The following ARMC12 variants were observed in gnomAD, a reference collection of about 807,000 sequenced individuals.
The protein encoded by ARMC12 is armadillo repeat-containing protein 12.
In ARMC12, 25 loss-of-function variants were observed where a neutral mutation model predicts 37.4. The ratio of observed to expected loss-of-function variants is 0.67; its 90% CI spans 0.49 to 0.93. ARMC12 has a LOEUF of 0.93. Ranked by LOEUF, ARMC12 falls within the 40% of genes least tolerant of loss-of-function variation. The pLI is 0.00. For synonymous variants in ARMC12, 167 were observed against 176.1 expected, an observed-to-expected ratio of 0.95 and a Z score of 0.41; for missense variants, 384 against 426.6, an observed-to-expected ratio of 0.90 and a Z score of 0.88.
Position 35,748,958 on chromosome 6 carries a change from G to C in ARMC12, c.*88G>C. 2 of 1,339,280 alleles carry C rather than the reference G, an allele frequency of 1.5e-6. No homozygotes were observed. The highest frequency in any genetic ancestry group is 2.0e-6 in the Non-Finnish European group (2 of 990,704). 83.0% of individuals were successfully genotyped at this position (1,339,280 alleles called of 1,614,324 possible). Reference sequence around the variant, plus strand: ...TCTGTTGGTGGCCTTCCAGGGCTGGGTGGAGATTTCATTCAGCATAACCTC... The same window carrying C: ...TCTGTTGGTGGCCTTCCAGGGCTGGCTGGAGATTTCATTCAGCATAACCTC... On this transcript the variant is annotated 3_prime_UTR_variant, in exon 6 of 6. Transcript: ENST00000373866.
chr6:35,748,834 C>A lies in ARMC12; in HGVS notation c.987C>A (p.Cys329Ter), dbSNP rs1360480123. The stretch of plus-strand genomic sequence containing the variant: ...ACTTGAGAGCCCGGCCCTCCTCCTG[C>A]CAGCCCAGTCGTTCCTACTTTAAAA... The part of the protein sequence containing the change: ...PQDLRARPSS[C>*]QPSRSYFKNT... Residue 329 changes from cysteine (C) to a stop codon, truncating the protein, a stop_gained, in exon 6 of 6, where the codon TGC becomes TGA. Transcript: ENST00000373866. LOFTEE classifies it high-confidence loss of function. The A allele has an allele frequency of 6.2e-7, 1 of 1,613,580 alleles. No individual in the cohort carries two copies. The highest frequency in any genetic ancestry group is 1.7e-5 in the Admixed American group (1 of 59,916).
chr6:35,739,048 G>T (rs1472485803), intron 3 of ARMC12, among the ~76,000 whole-genome samples: 2 of 151,924 alleles, frequency 1.3e-5, no homozygotes, highest in African/African-American at 4.8e-5. Context: ...ACTATTACTG[G>T]TTTTTTATAT....
At chr6:35,731,648 C>T in the ARMC12 span, among the ~76,000 whole-genome samples, 1 of 152,170 alleles carries the variant, frequency 6.6e-6, no homozygotes, top group Non-Finnish European at 1.5e-5. Flanking sequence ...CCCGCCTGGC[C>T]GCCCTTCTCG....
chr6:35,733,805 C>A (rs772660170), upstream of ARMC12: 12 of 152,294 alleles, frequency 7.9e-5, no homozygotes, highest in African/African-American at 2.7e-4. Flanking sequence ...CAGCCCTGAA[C>A]TGGTTTTGAA....
chr6:35,738,223 G>T (rs760180659), intron 2 of ARMC12, 51 bp downstream of exon 2: 2 of 1,479,432 alleles, frequency 1.4e-6, no homozygotes, highest in East Asian at 2.6e-5. Context: ...TGGGGGTTAC[G>T]GCCGATCCCT....
At chr6:35,738,948 C>G (rs144169236) in intron 3 of ARMC12, among the ~76,000 whole-genome samples, 2 of 152,264 alleles carry the variant, frequency 1.3e-5, no homozygotes, top group African/African-American at 2.4e-5. Context: ...TCTGACTGGC[C>G]CGCTATGAAT....
At position 35,738,026 on chromosome 6, in the gene ARMC12, G is replaced by A; in HGVS notation, c.164-1G>A. ...TGAACTGGGCTGGGGTGGCTGTCTA[G>A]GCCTGGCAGTCGAGCGAGAGCGGCA... is the stretch of plus-strand genomic sequence containing the variant. On this transcript the variant is annotated splice_acceptor_variant, in intron 1 of 5. Transcript: ENST00000373866. LOFTEE classifies it high-confidence loss of function. The A allele has an allele frequency of 1.2e-6, 2 of 1,612,858 alleles. No individual in the cohort carries two copies. The highest frequency in any genetic ancestry group is 1.7e-6 in the Non-Finnish European group (2 of 1,180,018).
At chr6:35,731,938 G>T in the ARMC12 span, among the ~76,000 whole-genome samples, 1 of 152,190 alleles carries the variant, frequency 6.6e-6, no homozygotes, top group Non-Finnish European at 1.5e-5. Flanking sequence ...TAAACTAGGT[G>T]CCGGCGCCGG....
rs866965706 is a variant in ARMC12 at position 35,737,494 on chromosome 6, T to C, written c.163+223T>C. 3 of 1,322,882 alleles carry C rather than the reference T, an allele frequency of 2.3e-6. No homozygotes were observed. The Middle Eastern group carries it at 5.8e-4, about 256-fold the overall frequency. The allele number at this position is 1,322,882 out of a possible 1,614,324, so 81.9% of individuals were successfully genotyped here. A position where few individuals can be genotyped will look rare whatever the true frequency, so the allele number is the denominator to read the frequency against. On this transcript the variant is annotated intron_variant, in intron 1 of 5. Transcript: ENST00000373866. ...TCACTCAAGTGGATCCTCAGACTCA[T>C]CTGGCAGGTCTCCAAATACTACATT... is the stretch of plus-strand genomic sequence containing the variant.
Position 35,748,964 on chromosome 6 carries a change from A to G in ARMC12, c.*94A>G, listed in dbSNP as rs1396372880. The stretch of plus-strand genomic sequence containing the variant: ...GGTGGCCTTCCAGGGCTGGGTGGAG[A>G]TTTCATTCAGCATAACCTCTGCTCC... On this transcript the variant is annotated 3_prime_UTR_variant, in exon 6 of 6. Coordinates refer to ENST00000373866, the MANE Select transcript of ARMC12 (RefSeq NM_001286574.2). 2 of 1,273,636 alleles carry G rather than the reference A, an allele frequency of 1.6e-6. No homozygotes were observed. The highest frequency in any genetic ancestry group is 2.1e-6 in the Non-Finnish European group (2 of 934,458). The allele number at this position is 1,273,636 out of a possible 1,614,324, so 78.9% of individuals were successfully genotyped here. A position where few individuals can be genotyped will look rare whatever the true frequency, so the allele number is the denominator to read the frequency against.
upstream of ARMC12, among the ~76,000 whole-genome samples, chr6:35,736,657 T>G (rs1188931535): frequency 6.6e-6 from 1 of 152,034 alleles, no homozygotes; most frequent in Non-Finnish European, 1.5e-5. Context: ...GTCGCTTAGG[T>G]TGGAGTACAG....
upstream of ARMC12, chr6:35,736,717 C>G (rs975829154): frequency 4.3e-6 from 1 of 232,254 alleles, no homozygotes; most frequent in African/African-American, 2.2e-5. Flanking sequence ...AAGCGATTCT[C>G]CTGCCTCAGT....
intron 4 of ARMC12, 61 bp downstream of exon 4, chr6:35,747,495 G>A: frequency 6.2e-7 from 1 of 1,612,064 alleles, no homozygotes; most frequent in South Asian, 1.1e-5. Flanking sequence ...AGTACTTAGA[G>A]GGAGGAGCAG....
chr6:35,738,656 T>C (rs916807994), intron 3 of ARMC12, 138 bp downstream of exon 3: 40 of 1,231,846 alleles, frequency 3.2e-5, no homozygotes, highest in East Asian at 2.0e-4. Flanking sequence ...GGGAAAACGG[T>C]GGTCAGATTC....
At chr6:35,739,185 C>T (rs1212614320) in intron 3 of ARMC12, among the ~76,000 whole-genome samples, 4 of 152,060 alleles carry the variant, frequency 2.6e-5, no homozygotes, top group South Asian at 2.1e-4. Flanking sequence ...GGCCCAATAA[C>T]GAGATGCAGA....
chr6:35,738,592 A>G, intron 3 of ARMC12, 74 bp downstream of exon 3: 1 of 1,553,792 alleles, frequency 6.4e-7, no homozygotes, highest in Non-Finnish European at 8.7e-7. Flanking sequence ...CATAGGATAA[A>G]TGGTCATGTT....
chr6:35,748,592 T>G lies in ARMC12; in HGVS notation c.745T>G (p.Tyr249Asp), dbSNP rs766159416. Residue 249 changes from tyrosine (Y) to aspartate (D), a missense_variant, in exon 6 of 6, where the codon TAT (tyrosine) becomes GAT (aspartate). Physicochemically the swap from Tyr to Asp is radical, Grantham distance 160 (BLOSUM62 -3). Coordinates refer to ENST00000373866, the MANE Select transcript of ARMC12 (RefSeq NM_001286574.2). Reference sequence around the variant, plus strand: ...GCCCACACAGTCAGGGAGTCTCCTGTATGAGGTACTGGTGTTTGCTGAGCG... The same window carrying G: ...GCCCACACAGTCAGGGAGTCTCCTGGATGAGGTACTGGTGTTTGCTGAGCG... Reference protein sequence around the residue: ...FQPTQSGSLLYEVLVFAERLS... With the variant: ...FQPTQSGSLLDEVLVFAERLS... 2.1e-5 allele frequency: 33 copies of G among 1,584,882 alleles called. No homozygotes were observed. Among genetic ancestry groups the G allele is most frequent in the Non-Finnish European group, 2.8e-5 (33 of 1,164,128 alleles).
In ARMC12 at chr6:35,748,738, G is replaced by C; in HGVS notation, c.891G>C (p.Leu297=). 1 of 1,614,190 alleles carries C rather than the reference G, an allele frequency of 6.2e-7. No homozygotes were observed. Among genetic ancestry groups the C allele is most frequent in the Non-Finnish European group, 8.5e-7 (1 of 1,180,036 alleles). ...GACTGGCAGACCGACTACTTGCCCT[G>C]GTCATCCACCCTGAGGAAGATGTTC... ...ESRLADRLLA[L]VIHPEEDVQI... The change falls in exon 6 of 6, where the codon CTG becomes CTC. Residue 297 remains leucine (L), a synonymous_variant. Coordinates refer to ENST00000373866, the MANE Select transcript of ARMC12 (RefSeq NM_001286574.2).
At chr6:35,738,296 G>GTT in intron 2 of ARMC12, 88 bp from the exon 3 acceptor site, 1 of 1,394,726 alleles carries the variant, frequency 7.2e-7, no homozygotes, top group Non-Finnish European at 9.6e-7. Flanking sequence ...TGGGGGGGGG[G>GTT]TGTGCGGAGG....
Sources: allele counts gnomAD v4.1 joint callset (sites outside exome capture counted in the v4.1 genomes callset), GRCh38; gene constraint gnomAD v4.1.1; transcripts MANE v1.5; gene names NCBI Gene and HGNC (gene_info 2026-07-23, HGNC 2026-07-21).